Variants in CELF1 observed in about 807,000 individuals in gnomAD.
The protein encoded by CELF1 is CUGBP Elav-like family member 1.
In CELF1, 10 loss-of-function variants were observed where a neutral mutation model predicts 61.8. The observed-to-expected ratio is 0.16, with a 90% CI of 0.10 to 0.27. CELF1 has a LOEUF of 0.27. CELF1 is among the 10% of genes least tolerant of loss of function. CELF1 has a pLI of 1.00. For synonymous variants in CELF1, 236 were observed against 225.1 expected, an observed-to-expected ratio of 1.05 and a Z score of -0.43; for missense variants, 380 against 639.1, an observed-to-expected ratio of 0.59 and a Z score of 4.37.
intron 9 of CELF1, among the ~76,000 whole-genome samples, chr11:47,480,517 A>G (rs1393337328): frequency 6.6e-6 from 1 of 152,224 alleles, no homozygotes; most frequent in Non-Finnish European, 1.5e-5. Context: ...AACCAAAACA[A>G]AGAGAACACA....
At chr11:47,513,553 G>A (rs1013282486) in intron 1 of CELF1, 2 of 151,766 alleles carry the variant, frequency 1.3e-5, no homozygotes, top group South Asian at 4.2e-4. Flanking sequence ...TCCGCCTCTC[G>A]GGTGCATGCC....
At position 47,483,125 on chromosome 11, in the gene CELF1, G is replaced by A. The variant is rs150330265; in HGVS notation, c.607-269C>T. 9.6e-3 allele frequency among the ~76,000 whole-genome samples: 1,464 copies of A among 152,018 alleles called. 17 individuals are homozygous for A. The highest frequency in any genetic ancestry group is 0.016 in the Non-Finnish European group (1,063 of 68,006). Reference sequence around the variant, plus strand: ...AAAAAAATACAAAAATTAACTGGGCGTGCTGGTGTGCACCTGTAGTCCCAG... The same window carrying A: ...AAAAAAATACAAAAATTAACTGGGCATGCTGGTGTGCACCTGTAGTCCCAG... On this transcript the variant is annotated intron_variant, in intron 8 of 14. Coordinates refer to ENST00000687097, the MANE Select transcript of CELF1 (RefSeq NM_001376376.1).
At chr11:47,534,485 G>T (rs1179255054) in intron 1 of CELF1, among the ~76,000 whole-genome samples, 2 of 152,034 alleles carry the variant, frequency 1.3e-5, no homozygotes, top group Non-Finnish European at 2.9e-5. Flanking sequence ...CCAGCACTCT[G>T]GGAGGCCAAG....
chr11:47,552,473 AGCGG>A (rs2097163958), intron 1 of CELF1, among the ~76,000 whole-genome samples: 1 of 152,226 alleles, frequency 6.6e-6, no homozygotes, highest in Non-Finnish European at 1.5e-5. Context: ...CCAAGGCCGT[AGCGG>A]ATCTGGGGCG....
intron 1 of CELF1, among the ~76,000 whole-genome samples, chr11:47,511,007 C>T (rs1043762628): frequency 6.6e-6 from 1 of 151,786 alleles, no homozygotes; most frequent in African/African-American, 2.4e-5. Flanking sequence ...CATCATGAAA[C>T]CCTGTTGCTA....
At chr11:47,526,969 T>C (rs1431167847) in intron 1 of CELF1, among the ~76,000 whole-genome samples, 1 of 151,798 alleles carries the variant, frequency 6.6e-6, no homozygotes, top group East Asian at 1.9e-4. Context: ...GAGAATCACT[T>C]GAACCCAGGA....
chr11:47,476,922 G>T lies in CELF1; in HGVS notation c.1011C>A (p.Val337=). ...GGGCTCCAAGTGAGGCTATGGGGTT[G>T]ACAGAATTACTGCTGCTAGAGCTAG... ...SSPSSSSSNS[V]NPIASLGALQ... The change falls in exon 12 of 15, where the codon GTC becomes GTA. Residue 337 remains valine (V), a synonymous_variant. Transcript: ENST00000687097. 1.2e-6 allele frequency: 2 copies of T among 1,614,206 alleles called. No homozygotes were observed. Among genetic ancestry groups the T allele is most frequent in the Middle Eastern group, 1.6e-4 (1 of 6,062 alleles).
At chr11:47,555,211 G>A (rs58932776), upstream of CELF1, among the ~76,000 whole-genome samples, 2 of 152,266 alleles carry the variant, frequency 1.3e-5, no homozygotes, top group East Asian at 3.9e-4. Context: ...CTTGGAACCT[G>A]CCCATGAGCT....
intron 1 of CELF1, among the ~76,000 whole-genome samples, chr11:47,501,401 G>T (rs1048138135): frequency 5.3e-5 from 8 of 152,212 alleles, no homozygotes; most frequent in African/African-American, 1.9e-4. Context: ...CATTGGAACT[G>T]ATGGCATGCC....
At chr11:47,557,170 G>C (rs553011546), upstream of CELF1, among the ~76,000 whole-genome samples, 1 of 151,500 alleles carries the variant, frequency 6.6e-6, no homozygotes, top group Non-Finnish European at 1.5e-5. Flanking sequence ...AAAGTGCCGG[G>C]AGCCACCACG....
At chr11:47,535,295 A>T (rs528444564) in intron 1 of CELF1, among the ~76,000 whole-genome samples, 23 of 152,236 alleles carry the variant, frequency 1.5e-4, no homozygotes, top group East Asian at 1.4e-3. Context: ...CAACAAATTC[A>T]CAAACCAAAA....
chr11:47,522,149 G>A (rs552965369), intron 1 of CELF1, among the ~76,000 whole-genome samples: 3 of 152,084 alleles, frequency 2.0e-5, no homozygotes, highest in South Asian at 4.1e-4. Context: ...CCGACCTCAG[G>A]TGATCTGCCT....
chr11:47,532,029 A>G (rs1176725215), intron 1 of CELF1, among the ~76,000 whole-genome samples: 6 of 150,992 alleles, frequency 4.0e-5, no homozygotes, highest in Non-Finnish European at 8.9e-5. Context: ...AACTGCTCTT[A>G]TTTTTATTTT....
At chr11:47,485,585 A>ATT (rs1200052335) in intron 6 of CELF1, among the ~76,000 whole-genome samples, 4 of 143,640 alleles carry the variant, frequency 2.8e-5, no homozygotes, top group Middle Eastern at 3.5e-3. Context: ...ACTTTTCTGA[A>ATT]TTTTTTTTTT....
chr11:47,529,806 G>A lies in CELF1; in HGVS notation c.-154+23186C>T, dbSNP rs148289162. On this transcript the variant is annotated intron_variant, in intron 1 of 14. Coordinates refer to ENST00000687097, the MANE Select transcript of CELF1 (RefSeq NM_001376376.1). ...ACTGCTCTCCAGCCTGAGCAACAGGGTAAGACTTAAAAAAAAAAGAGAGAC... is the reference window on the plus strand; with the variant it reads ...ACTGCTCTCCAGCCTGAGCAACAGGATAAGACTTAAAAAAAAAAGAGAGAC... 1.9e-3 allele frequency among the ~76,000 whole-genome samples: 289 copies of A among 152,080 alleles called. 1 individual carries two copies. Among genetic ancestry groups the A allele is most frequent in the Middle Eastern group, 0.014 (4 of 292 alleles).
intron 3 of CELF1, chr11:47,494,567 T>C (rs2092688987): frequency 3.5e-6 from 3 of 854,174 alleles, no homozygotes; most frequent in Non-Finnish European, 4.2e-6. Context: ...TTCTCCTTTC[T>C]TTTCCCCTCT....
At chr11:47,509,871 A>G (rs1363245646) in intron 1 of CELF1, among the ~76,000 whole-genome samples, 1 of 146,296 alleles carries the variant, frequency 6.8e-6, no homozygotes, top group African/African-American at 2.6e-5. Context: ...TACTAAAAAC[A>G]CAAAAATTAG....
At chr11:47,489,930 A>T (rs1172730184) in intron 3 of CELF1, among the ~76,000 whole-genome samples, 22 of 28,048 alleles carry the variant, frequency 7.8e-4, no homozygotes, top group South Asian at 1.1e-3. Context: ...AGAACATACC[A>T]TCTTGTTTTT....
intron 1 of CELF1, among the ~76,000 whole-genome samples, chr11:47,506,433 AAAAG>A (rs201031147): frequency 0.012 from 1,840 of 150,976 alleles, 34 homozygotes; most frequent in African/African-American, 0.042. Context: ...CGGCTCAAAA[AAAAG>A]AAAAAAAAAA....
Sources: gnomAD v4.1 joint callset for allele counts (sites outside exome capture counted in the v4.1 genomes callset) on GRCh38, gnomAD v4.1.1 for gene constraint, MANE v1.5 for transcripts, NCBI Gene and HGNC (gene_info 2026-07-23, HGNC 2026-07-21) for gene names.